FANCM: variants seen among roughly 807,000 people sequenced by gnomAD.
FANCM encodes the protein Fanconi anemia group M protein.
A neutral mutation model predicts 199.5 loss-of-function variants in FANCM; 140 were observed. That is an observed-to-expected ratio of 0.70 (90% CI 0.61 to 0.81). The LOEUF (loss-of-function observed/expected upper bound fraction) is 0.81, where lower values mean the gene tolerates loss of function less well. Ranked by LOEUF, FANCM falls within the 30% of genes least tolerant of loss-of-function variation. The probability of loss-of-function intolerance (pLI) is 0.00; values close to 1 mark genes in which losing one functional copy is unlikely to be tolerated. For synonymous variants in FANCM, 840 were observed against 836.8 expected, an observed-to-expected ratio of 1.00 and a Z score of -0.07; for missense variants, 2,410 against 2,421.4, an observed-to-expected ratio of 1.00 and a Z score of 0.10.
At position 45,175,542 on chromosome 14, in the gene FANCM, A is replaced by G; in HGVS notation, c.2788A>G (p.Thr930Ala). ...TGTGTTATTAACAGAGTGTCAGTTT[A>G]CAAATAAATCCACTAGTTCACTTGC... is the stretch of plus-strand genomic sequence containing the variant. ...PCVLLTECQF[T>A]NKSTSSLAGN... is the part of the protein sequence containing the mutation. Residue 930 changes from threonine (T) to alanine (A), a missense_variant, in exon 14 of 23, where the codon ACA (threonine) becomes GCA (alanine). Physicochemically the swap from Thr to Ala is moderately conservative, Grantham distance 58. Transcript: ENST00000267430. The G allele has an allele frequency of 1.9e-6, 3 of 1,613,104 alleles. No individual in the cohort carries two copies. Among genetic ancestry groups the G allele is most frequent in the Non-Finnish European group, 2.5e-6 (3 of 1,179,222 alleles).
intron 12 of FANCM, 136 bp downstream of exon 12, chr14:45,170,882 T>C (rs1888299103): frequency 4.0e-6 from 3 of 750,546 alleles, no homozygotes; most frequent in Non-Finnish European, 6.9e-6. Context: ...TCAACTTACT[T>C]TAAGAAATTA....
At position 45,137,151 on chromosome 14, in the gene FANCM, C is replaced by T; in HGVS notation, c.591C>T (p.Asp197=). The T allele has an allele frequency of 1.2e-6, 2 of 1,613,602 alleles. No homozygotes were observed. Among genetic ancestry groups the T allele is most frequent in the South Asian group, 1.1e-5 (1 of 91,068 alleles). Residue 197 remains aspartate, a synonymous_variant, in exon 2 of 23, where the codon GAC becomes GAT. Coordinates refer to ENST00000267430, the MANE Select transcript of FANCM (RefSeq NM_020937.4). ...TTACACCTCAGGTCATGGTAAATGA[C>T]CTTTCTAGAGGAGCTTGTCCCGCTG... ...LFLTPQVMVN[D]LSRGACPAAE...
intron 14 of FANCM, among the ~76,000 whole-genome samples, 167 bp downstream of exon 14, chr14:45,177,143 A>G (rs900970246): frequency 6.7e-6 from 1 of 150,292 alleles, no homozygotes; most frequent in Non-Finnish European, 1.5e-5. Context: ...CTAATATTAG[A>G]TTTATTTACA....
intron 2 of FANCM, 22 bp downstream of exon 2, chr14:45,137,263 A>G: frequency 6.2e-7 from 1 of 1,601,286 alleles, no homozygotes. Flanking sequence ...GTTAAACGGT[A>G]TTTTGTATTG....
At chr14:45,151,091 T>C (rs977254163) in intron 4 of FANCM, among the ~76,000 whole-genome samples, 3 of 152,224 alleles carry the variant, frequency 2.0e-5, no homozygotes, top group African/African-American at 7.2e-5. Context: ...TCGTTCATGG[T>C]ACTTACACTT....
Position 45,189,282 on chromosome 14 carries a change from A to G in FANCM, c.5260A>G (p.Asn1754Asp), listed in dbSNP as rs766113499. 4 of 1,613,720 alleles carry G rather than the reference A, an allele frequency of 2.5e-6. No individual in the cohort carries two copies. In the South Asian group the frequency reaches 3.3e-5, roughly 13 times the overall value. The change falls in exon 20 of 23, where the codon AAT (asparagine) becomes GAT (aspartate). Residue 1754 changes from asparagine to aspartate, a missense_variant. By Grantham distance (23) the Asn-to-Asp change is conservative. Transcript: ENST00000267430. Reference sequence around the variant, plus strand: ...CTCAGACTTCAAACCTCAGAATCATAATGAAGTCCAGTCTACCACACCACC... The same window carrying G: ...CTCAGACTTCAAACCTCAGAATCATGATGAAGTCCAGTCTACCACACCACC... ...EVSDFKPQNH[N>D]EVQSTTPPFT...
At chr14:45,148,718 AATG>A in intron 3 of FANCM, 116 bp from the exon 4 acceptor site, 1 of 672,940 alleles carries the variant, frequency 1.5e-6, no homozygotes, top group Admixed American at 2.6e-5. Flanking sequence ...TTTGTTACTT[AATG>A]ATATAAATTT....
At chr14:45,198,543 C>T (rs952153983) in intron 21 of FANCM, 101 bp from the exon 22 acceptor site, 9 of 733,904 alleles carry the variant, frequency 1.2e-5, no homozygotes, top group Admixed American at 8.3e-5. Flanking sequence ...CCAGTTTGCT[C>T]AATGGTGTAG....
chr14:45,169,107 A>G (rs572889932), intron 11 of FANCM, among the ~76,000 whole-genome samples: 4 of 151,752 alleles, frequency 2.6e-5, no homozygotes, highest in African/African-American at 9.7e-5. Flanking sequence ...TTTTTAGTAG[A>G]GACGGGGTTT....
In FANCM at chr14:45,136,321, A is replaced by T. The variant is rs2139102227; in HGVS notation, c.290A>T (p.His97Leu). The T allele has an allele frequency of 6.2e-7, 1 of 1,614,100 alleles. No individual in the cohort carries two copies. The highest frequency in any genetic ancestry group is 1.1e-5 in the South Asian group (1 of 91,080). ...TGCCCAGTGCGGGACTACCAGCTGC[A>T]CATTTCCCGGGCTGCTCTGTTTTGC... Reference protein sequence around the residue: ...TNCPVRDYQLHISRAALFCNT... With the variant: ...TNCPVRDYQLLISRAALFCNT... Residue 97 changes from histidine (H) to leucine (L), a missense_variant, in exon 1 of 23, where the codon CAC (histidine) becomes CTC (leucine). His to Leu is a moderately conservative substitution (Grantham distance 99). Coordinates refer to ENST00000267430, the MANE Select transcript of FANCM (RefSeq NM_020937.4).
At chr14:45,146,773 C>G (rs893616924) in intron 3 of FANCM, among the ~76,000 whole-genome samples, 7 of 138,794 alleles carry the variant, frequency 5.0e-5, no homozygotes, top group Non-Finnish European at 1.1e-4. Flanking sequence ...GCGGAGCTTG[C>G]AGTGAGCCGA....
At chr14:45,154,956 T>C (rs1887077358) in intron 7 of FANCM, 134 bp downstream of exon 7, 4 of 625,894 alleles carry the variant, frequency 6.4e-6, no homozygotes, top group East Asian at 2.9e-5. Flanking sequence ...AATGTGTAAA[T>C]ATTTCATTTT....
At chr14:45,170,346 T>C (rs888352381) in intron 11 of FANCM, among the ~76,000 whole-genome samples, 13 of 152,136 alleles carry the variant, frequency 8.5e-5, no homozygotes, top group African/African-American at 3.1e-4. Flanking sequence ...GGGCAACATA[T>C]CAAGACTTCA....
At chr14:45,199,059 C>A in intron 22 of FANCM, 124 bp downstream of exon 22, 1 of 717,416 alleles carries the variant, frequency 1.4e-6, no homozygotes, top group Non-Finnish European at 2.3e-6. Flanking sequence ...ATTCAGTAAA[C>A]ATTTTTTGCC....
At chr14:45,165,881 A>G (rs147285554) in intron 10 of FANCM, among the ~76,000 whole-genome samples, 205 of 152,242 alleles carry the variant, frequency 1.3e-3, no homozygotes, top group African/African-American at 4.7e-3. Flanking sequence ...TCATTATTGT[A>G]TTTAATCCTG....
intron 9 of FANCM, among the ~76,000 whole-genome samples, chr14:45,159,973 C>T (rs367613379): frequency 6.7e-6 from 1 of 149,572 alleles, no homozygotes; most frequent in Non-Finnish European, 1.5e-5. Flanking sequence ...TTTGATTCTG[C>T]AGACGTTAGT....
intron 16 of FANCM, among the ~76,000 whole-genome samples, chr14:45,182,370 G>C (rs1403407708): frequency 6.6e-6 from 1 of 152,194 alleles, no homozygotes; most frequent in African/African-American, 2.4e-5. Context: ...TCAAGGGTTA[G>C]AATTGCTTAT....
chr14:45,170,511 G>A, intron 11 of FANCM, 78 bp from the exon 12 acceptor site: 1 of 1,051,960 alleles, frequency 9.5e-7, no homozygotes, highest in African/African-American at 1.6e-5. Flanking sequence ...GGGTGACAGA[G>A]TTTGAATGGA....
intron 4 of FANCM, among the ~76,000 whole-genome samples, chr14:45,150,598 A>G (rs943094269): frequency 6.6e-6 from 1 of 152,114 alleles, no homozygotes; most frequent in African/African-American, 2.4e-5. Flanking sequence ...TCTCTCTGGA[A>G]TCCTTTGTCC....
Sources: allele counts gnomAD v4.1 joint callset (sites outside exome capture counted in the v4.1 genomes callset), GRCh38; gene constraint gnomAD v4.1.1; transcripts MANE v1.5; gene names NCBI Gene and HGNC (gene_info 2026-07-23, HGNC 2026-07-21).